The following ELMO1 variants were observed in gnomAD, a reference collection of about 807,000 sequenced individuals.
ELMO1 encodes the protein engulfment and cell motility protein 1.
A neutral mutation model predicts 98.9 loss-of-function variants in ELMO1; 26 were observed. That is an observed-to-expected ratio of 0.26 (90% CI 0.19 to 0.36). The LOEUF is 0.36. Ranked by LOEUF, ELMO1 falls within the 10% of genes least tolerant of loss-of-function variation. ELMO1 has a pLI of 1.00. For synonymous variants in ELMO1, 346 were observed against 346.0 expected (o/e 1.00, Z 0.00); for missense variants, 627 against 935.2 (o/e 0.67, Z 4.30).
intron 15 of ELMO1, among the ~76,000 whole-genome samples, chr7:37,079,311 AAAC>A (rs2129233741): frequency 6.6e-6 from 1 of 152,324 alleles, no homozygotes; most frequent in Non-Finnish European, 1.5e-5. Flanking sequence ...AGTACCTCTC[AAAC>A]TATCTGCAGT....
At chr7:36,891,379 A>C (rs1805533589) in intron 17 of ELMO1, among the ~76,000 whole-genome samples, 1 of 152,230 alleles carries the variant, frequency 6.6e-6, no homozygotes, top group Non-Finnish European at 1.5e-5. Flanking sequence ...GGTTATGAGA[A>C]AGCTTTCAGT....
chr7:37,193,876 TGACTCTA>T (rs1343701650), intron 13 of ELMO1, among the ~76,000 whole-genome samples: 2 of 152,212 alleles, frequency 1.3e-5, no homozygotes, highest in African/African-American at 4.8e-5. Flanking sequence ...CATAAACATG[TGACTCTA>T]GTACACACTT....
chr7:36,990,938 C>T (rs575577278), intron 16 of ELMO1, among the ~76,000 whole-genome samples: 4 of 152,212 alleles, frequency 2.6e-5, no homozygotes, highest in Admixed American at 6.5e-5. Context: ...TGAAGGGATT[C>T]CATTTACCGG....
chr7:37,039,181 G>A (rs1209215190), intron 15 of ELMO1, among the ~76,000 whole-genome samples: 1 of 152,180 alleles, frequency 6.6e-6, no homozygotes, highest in Non-Finnish European at 1.5e-5. Flanking sequence ...ATGCAAACAG[G>A]CTCACAAAAT....
chr7:36,995,983 C>T (rs1792183464), intron 16 of ELMO1, among the ~76,000 whole-genome samples: 1 of 152,160 alleles, frequency 6.6e-6, no homozygotes, highest in Admixed American at 6.5e-5. Context: ...TCTCCAGACT[C>T]AGCCCAGCGT....
At chr7:37,132,286 T>G (rs1786975348) in intron 14 of ELMO1, among the ~76,000 whole-genome samples, 1 of 152,234 alleles carries the variant, frequency 6.6e-6, no homozygotes, top group South Asian at 2.1e-4. Context: ...TTACTCTTCC[T>G]GATTTAGGCA....
intron 1 of ELMO1, among the ~76,000 whole-genome samples, chr7:37,390,070 G>C (rs541191844): frequency 6.6e-6 from 1 of 151,840 alleles, no homozygotes; most frequent in Admixed American, 6.6e-5. Flanking sequence ...AAAAGAACAA[G>C]AAATGTCTGT....
chr7:37,194,691 C>A (rs1405199874), intron 13 of ELMO1, among the ~76,000 whole-genome samples: 3 of 152,192 alleles, frequency 2.0e-5, no homozygotes, highest in Non-Finnish European at 2.9e-5. Context: ...ACCCACGCTC[C>A]TCCTCCTCCC....
chr7:36,992,911 T>A (rs1791970465), intron 16 of ELMO1, among the ~76,000 whole-genome samples: 1 of 152,202 alleles, frequency 6.6e-6, no homozygotes, highest in South Asian at 2.1e-4. Context: ...AGGTATTTTA[T>A]CAAATGAAAA....
intron 1 of ELMO1, among the ~76,000 whole-genome samples, chr7:37,417,832 A>G (rs1804294623): frequency 6.6e-6 from 1 of 152,168 alleles, no homozygotes; most frequent in African/African-American, 2.4e-5. Flanking sequence ...ACAGAGCAAG[A>G]CTCTGTCTCA....
intron 2 of ELMO1, among the ~76,000 whole-genome samples, chr7:37,317,895 A>C (rs1169093229): frequency 1.3e-5 from 2 of 152,248 alleles, no homozygotes; most frequent in African/African-American, 4.8e-5. Context: ...CAATAAAATT[A>C]TTATATATTC....
intron 16 of ELMO1, among the ~76,000 whole-genome samples, chr7:36,914,228 A>C (rs1784532058): frequency 6.6e-6 from 1 of 152,210 alleles, no homozygotes; most frequent in African/African-American, 2.4e-5. Flanking sequence ...GACAATTCTT[A>C]TGAATCAGCT....
At chr7:37,160,921 T>C (rs1789159372) in intron 13 of ELMO1, among the ~76,000 whole-genome samples, 1 of 152,144 alleles carries the variant, frequency 6.6e-6, no homozygotes, top group African/African-American at 2.4e-5. Context: ...GAGACCAACC[T>C]GGGTTCCAAT....
Position 36,878,093 on chromosome 7 carries a change from G to C in ELMO1, c.1739C>G (p.Ser580Trp). 1 of 1,613,990 alleles carries C rather than the reference G, an allele frequency of 6.2e-7. No individual in the cohort carries two copies. Among genetic ancestry groups the C allele is most frequent in the Non-Finnish European group, 8.5e-7 (1 of 1,179,908 alleles). ...GTAATGCAGGACTTTGTGATTTGGC[G>C]AAAGCCGACAATACCAAAACTTGTC... ...RQDKFWYCRL[S>W]PNHKVLHYGD... Residue 580 changes from serine (S) to tryptophan (W), a missense_variant, in exon 19 of 22, where the codon TCG becomes TGG. By Grantham distance (177) the Ser-to-Trp change is radical. Transcript: ENST00000310758.
intron 2 of ELMO1, among the ~76,000 whole-genome samples, chr7:37,334,972 C>T (rs1241540256): frequency 6.6e-6 from 1 of 152,028 alleles, no homozygotes; most frequent in Non-Finnish European, 1.5e-5. Context: ...CTTCACTGTT[C>T]AGAATTGAAA....
At chr7:37,367,012 G>C (rs113659298) in intron 1 of ELMO1, among the ~76,000 whole-genome samples, 12,273 of 152,256 alleles carry the variant, frequency 0.081, 623 homozygotes, top group Middle Eastern at 0.12. Context: ...TAATGAGAAT[G>C]TTGCAAGCCC....
At chr7:37,141,080 A>G (rs1484358251) in intron 13 of ELMO1, among the ~76,000 whole-genome samples, 1 of 152,240 alleles carries the variant, frequency 6.6e-6, no homozygotes, top group African/African-American at 2.4e-5. Flanking sequence ...ATACTTGCAA[A>G]CACATGTATA....
rs111948172 is a variant in ELMO1, at chr7:37,342,740, G to A, written c.-50C>T. On this transcript the variant is annotated 5_prime_UTR_variant, in exon 2 of 22. In the 5' UTR this introduces an upstream ATG that the reference lacks. Coordinates refer to ENST00000310758, the MANE Select transcript of ELMO1 (RefSeq NM_014800.11). The surrounding 1 kb of genome is among the most constrained non-coding windows in gnomAD (Gnocchi z 4.3). ...CCAGTGGGAATGAGGATCCTACAGC[G>A]TAAACGGCCACACGTGTCTATACCT... 42 of 1,520,668 alleles carry A rather than the reference G, an allele frequency of 2.8e-5. No homozygotes were observed. Among genetic ancestry groups the A allele is most frequent in the Middle Eastern group, 3.5e-4 (2 of 5,740 alleles). The allele number at this position is 1,520,668 out of a possible 1,614,324, so 94.2% of individuals were successfully genotyped here. A position where few individuals can be genotyped will look rare whatever the true frequency, so the allele number is the denominator to read the frequency against.
At chr7:36,884,342 A>C (rs1377244342) in intron 18 of ELMO1, among the ~76,000 whole-genome samples, 1 of 151,772 alleles carries the variant, frequency 6.6e-6, no homozygotes, top group African/African-American at 2.4e-5. Context: ...CTATATTCTG[A>C]GGCGCTACGA....
Sources: gnomAD v4.1 joint callset for allele counts (sites outside exome capture counted in the v4.1 genomes callset) on GRCh38, gnomAD v4.1.1 for gene constraint, Gnocchi (gnomAD v3.1) non-coding constraint, MANE v1.5 for transcripts, NCBI Gene and HGNC (gene_info 2026-07-23, HGNC 2026-07-21) for gene names.